Variants in PPP1R13B observed in about 807,000 individuals in gnomAD.
PPP1R13B encodes protein phosphatase 1 regulatory subunit 13B, also known as apoptosis-stimulating of p53 protein 1.
In PPP1R13B, 44 loss-of-function variants were observed where a neutral mutation model predicts 119.8. The observed-to-expected ratio is 0.37, with a 90% CI of 0.29 to 0.47. PPP1R13B has a LOEUF of 0.47. Ranked by LOEUF, PPP1R13B falls within the 20% of genes least tolerant of loss-of-function variation. The pLI is 0.99. For synonymous variants in PPP1R13B, 542 were observed against 561.5 expected, an observed-to-expected ratio of 0.97 and a Z score of 0.49; for missense variants, 1,227 against 1,413.5, an observed-to-expected ratio of 0.87 and a Z score of 2.12.
intron 1 of PPP1R13B, among the ~76,000 whole-genome samples, chr14:103,834,204 G>A (rs970233978): frequency 2.0e-5 from 3 of 152,214 alleles, no homozygotes; most frequent in Non-Finnish European, 4.4e-5. Context: ...GCGAAACCCC[G>A]TCTTTACTAA....
At chr14:103,803,250 T>G (rs2085941621) in intron 1 of PPP1R13B, among the ~76,000 whole-genome samples, 1 of 152,202 alleles carries the variant, frequency 6.6e-6, no homozygotes. Flanking sequence ...TTTAATAGTA[T>G]GTACAAAACA....
intron 1 of PPP1R13B, among the ~76,000 whole-genome samples, chr14:103,808,275 C>G (rs1048600928): frequency 5.3e-5 from 8 of 151,810 alleles, no homozygotes; most frequent in African/African-American, 1.9e-4. Flanking sequence ...AAGTCAGGAG[C>G]CTTGAACATA....
intron 1 of PPP1R13B, among the ~76,000 whole-genome samples, chr14:103,824,038 CCTT>C (rs1388938381): frequency 1.5e-5 from 2 of 129,606 alleles, no homozygotes; most frequent in Non-Finnish European, 3.2e-5. Context: ...TCTACCTCAT[CCTT>C]TTTTTTTTTT....
chr14:103,813,172 T>C (rs571993300), intron 1 of PPP1R13B, among the ~76,000 whole-genome samples: 12 of 152,040 alleles, frequency 7.9e-5, no homozygotes, highest in East Asian at 1.9e-4. Context: ...AGTAGATGAA[T>C]GGATAAACAA....
At chr14:103,804,336 T>A (rs2085969649) in intron 1 of PPP1R13B, among the ~76,000 whole-genome samples, 1 of 152,196 alleles carries the variant, frequency 6.6e-6, no homozygotes, top group African/African-American at 2.4e-5. Context: ...CACAGATATT[T>A]TAACATTTTT....
rs936637896 is a variant in PPP1R13B, at chr14:103,733,641, T to C, written c.*1513A>G. The C allele has an allele frequency of 6.5e-6, 1 of 152,768 alleles. No homozygotes were observed. Among genetic ancestry groups the C allele is most frequent in the Non-Finnish European group, 1.5e-5 (1 of 68,134 alleles). The allele number at this position is 152,768 out of a possible 1,614,324, so 9.5% of individuals were successfully genotyped here. On this transcript the variant is annotated 3_prime_UTR_variant, in exon 17 of 17. Coordinates refer to ENST00000202556, the MANE Select transcript of PPP1R13B (RefSeq NM_015316.3). ...TACAGCAATTTGTATATAAAGCTTA[T>C]GATTAAAAACTATTTTGAACATACG...
rs1224247202 is a variant in PPP1R13B, at chr14:103,780,824, G to A, written c.278-2003C>T. Among the ~76,000 whole-genome samples, 4 of 148,072 alleles carry A rather than the reference G, an allele frequency of 2.7e-5. No homozygotes were observed. In the South Asian group the frequency reaches 6.4e-4, roughly 24 times the overall value. On this transcript the variant is annotated intron_variant, in intron 3 of 16. Coordinates refer to ENST00000202556, the MANE Select transcript of PPP1R13B (RefSeq NM_015316.3). ...ACTCTGTCTCTAAAAAAAAAAAAAAGAAAGGAAAAGAAAAAAAGAATATTA... is the reference window on the plus strand; with the variant it reads ...ACTCTGTCTCTAAAAAAAAAAAAAAAAAAGGAAAAGAAAAAAAGAATATTA...
chr14:103,761,447 C>T (rs867847371), intron 4 of PPP1R13B, among the ~76,000 whole-genome samples: 1 of 151,914 alleles, frequency 6.6e-6, no homozygotes, highest in Non-Finnish European at 1.5e-5. Flanking sequence ...ATTTCTTTTT[C>T]GTATAATTAG....
chr14:103,753,088 T>G lies in PPP1R13B; in HGVS notation c.740A>C (p.Lys247Thr). The G allele has an allele frequency of 1.2e-6, 2 of 1,614,174 alleles. No individual in the cohort carries two copies. Among genetic ancestry groups the G allele is most frequent in the Non-Finnish European group, 1.7e-6 (2 of 1,180,044 alleles). The change falls in exon 7 of 17, where the codon AAA (lysine) becomes ACA (threonine). Residue 247 changes from lysine to threonine, a missense_variant. By Grantham distance (78) the Lys-to-Thr change is moderately conservative (BLOSUM62 -1). Coordinates refer to ENST00000202556, the MANE Select transcript of PPP1R13B (RefSeq NM_015316.3). ...QLSQQLEDLKKGKLNGFQSYN... is the reference protein window; with the variant it reads ...QLSQQLEDLKTGKLNGFQSYN... Reference sequence around the variant, plus strand: ...AGACTGGAACCCATTCAGTTTTCCTTTCTTTAAATCTTCCAATTGCTGACT... The same window carrying G: ...AGACTGGAACCCATTCAGTTTTCCTGTCTTTAAATCTTCCAATTGCTGACT...
chr14:103,779,449 T>C (rs2085288058), intron 3 of PPP1R13B, among the ~76,000 whole-genome samples: 2 of 152,220 alleles, frequency 1.3e-5, no homozygotes, highest in East Asian at 3.9e-4. Context: ...ATTTTATGTG[T>C]ATTTTATCTC....
chr14:103,780,911 A>G (rs1463349742), intron 3 of PPP1R13B, among the ~76,000 whole-genome samples: 1 of 152,170 alleles, frequency 6.6e-6, no homozygotes, highest in Non-Finnish European at 1.5e-5. Flanking sequence ...AGCACCCAAT[A>G]AGCTACTCTC....
At chr14:103,823,918 C>A (rs550792562) in intron 1 of PPP1R13B, among the ~76,000 whole-genome samples, 2 of 152,028 alleles carry the variant, frequency 1.3e-5, no homozygotes, top group African/African-American at 4.8e-5. Flanking sequence ...CATATCCTTT[C>A]AAACCCTTTC....
intron 12 of PPP1R13B, chr14:103,739,273 G>GT (rs2084190691): frequency 1.6e-5 from 8 of 489,668 alleles, no homozygotes; most frequent in Non-Finnish European, 2.2e-5. Context: ...ACACGGCTGT[G>GT]TTTGAGCTTC....
chr14:103,778,955 A>G, intron 3 of PPP1R13B, 134 bp from the exon 4 acceptor site: 1 of 709,868 alleles, frequency 1.4e-6, no homozygotes, highest in Non-Finnish European at 2.4e-6. Flanking sequence ...AGACTTTAGT[A>G]CAGTTGAAAA....
chr14:103,745,819 G>GC (rs2084372454), intron 9 of PPP1R13B, among the ~76,000 whole-genome samples: 1 of 151,784 alleles, frequency 6.6e-6, no homozygotes, highest in Non-Finnish European at 1.5e-5. Flanking sequence ...GTTTTGTTTT[G>GC]TTTTTTTTGA....
intron 1 of PPP1R13B, among the ~76,000 whole-genome samples, chr14:103,824,767 T>C (rs2086498115): frequency 6.6e-6 from 1 of 152,008 alleles, no homozygotes; most frequent in African/African-American, 2.4e-5. Context: ...GGGTATATAA[T>C]AAAAGGGTAA....
chr14:103,802,291 A>C (rs927309577), intron 1 of PPP1R13B, among the ~76,000 whole-genome samples: 1 of 152,188 alleles, frequency 6.6e-6, no homozygotes, highest in Non-Finnish European at 1.5e-5. Flanking sequence ...CCTGGGCAAA[A>C]GAGTGAGACT....
chr14:103,735,093 C>A lies in PPP1R13B; in HGVS notation c.*61G>T, dbSNP rs1228417081. 1.9e-6 allele frequency: 3 copies of A among 1,588,232 alleles called. No individual in the cohort carries two copies. Among genetic ancestry groups the A allele is most frequent in the Middle Eastern group, 1.7e-4 (1 of 6,012 alleles). On this transcript the variant is annotated 3_prime_UTR_variant, in exon 17 of 17. Transcript: ENST00000202556. Reference sequence around the variant, plus strand: ...GCTGCAGCTTTCCTGGAAAACAGCACAATAATCTCTTAAGTGGCTCCTGGT... The same window carrying A: ...GCTGCAGCTTTCCTGGAAAACAGCAAAATAATCTCTTAAGTGGCTCCTGGT...
In PPP1R13B at chr14:103,749,948, A is replaced by C. The variant is rs1326046749; in HGVS notation, c.829-14T>G. On this transcript the variant is annotated splice_polypyrimidine_tract_variant and intron_variant, in intron 7 of 16. Coordinates refer to ENST00000202556, the MANE Select transcript of PPP1R13B (RefSeq NM_015316.3). ...TTGGTTACGAATCTACAAACCACAA[A>C]ATACAACCTTTATGATTTGTGTTAA... 1 of 1,608,672 alleles carries C rather than the reference A, an allele frequency of 6.2e-7. No individual in the cohort carries two copies. Among genetic ancestry groups the C allele is most frequent in the Non-Finnish European group, 8.5e-7 (1 of 1,178,568 alleles).
Sources: allele counts gnomAD v4.1 joint callset (sites outside exome capture counted in the v4.1 genomes callset), GRCh38; gene constraint gnomAD v4.1.1; transcripts MANE v1.5; gene names NCBI Gene and HGNC (gene_info 2026-07-23, HGNC 2026-07-21).